Variants in ERBB4 observed in about 807,000 individuals in gnomAD.
The protein encoded by ERBB4 is erb-b2 receptor tyrosine kinase 4, also known as receptor tyrosine-protein kinase erbB-4.
A neutral mutation model predicts 158.0 loss-of-function variants in ERBB4; 42 were observed. That is an observed-to-expected ratio of 0.27 (90% confidence interval 0.21 to 0.34). The LOEUF (loss-of-function observed/expected upper bound fraction) is 0.34. Among genes scored for constraint, ERBB4 ranks in the 10% least tolerant of loss-of-function variants. The pLI, the probability that ERBB4 is intolerant of heterozygous loss-of-function variation, is 1.00. For synonymous variants in ERBB4, 583 were observed against 558.7 expected (o/e 1.04, Z -0.61); for missense variants, 1,333 against 1,624.1 (o/e 0.82, Z 3.08).
chr2:211,383,784 A>C lies in ERBB4; in HGVS notation c.3758T>G (p.Leu1253Arg). The C allele has an allele frequency of 6.2e-7, 1 of 1,614,118 alleles. No individual in the cohort carries two copies. The highest frequency in any genetic ancestry group is 2.2e-5 in the East Asian group (1 of 44,870). Residue 1253 changes from leucine to arginine, a missense_variant, in exon 28 of 28, where the codon CTT (leucine) becomes CGT (arginine). Coordinates refer to ENST00000342788, the MANE Select transcript of ERBB4 (RefSeq NM_005235.3). ...CTCCTGCAGGTAGTCTGGGTGCTGA[A>C]GGGTGCTCCGAGGTGGCAGGCTGTG... is the stretch of plus-strand genomic sequence containing the variant. ...WNHSLPPRSTLQHPDYLQEYS... is the reference protein window; with the variant it reads ...WNHSLPPRSTRQHPDYLQEYS...
intron 2 of ERBB4, among the ~76,000 whole-genome samples, chr2:211,986,196 C>T (rs2125242282): frequency 6.6e-6 from 1 of 152,234 alleles, no homozygotes; most frequent in Admixed American, 6.5e-5. Flanking sequence ...AGAGTATCAA[C>T]AAGGAACCAA....
rs139463435 is a variant in ERBB4, at chr2:211,895,929, A to G, written c.421+51501T>C. On this transcript the variant is annotated intron_variant, in intron 3 of 27. Coordinates refer to ENST00000342788, the MANE Select transcript of ERBB4 (RefSeq NM_005235.3). ...TGAACAGTTGTTCAGTCTTCACTGC[A>G]CTGGCTTCGTTCCAGTTTCTTGGTC... Among the ~76,000 whole-genome samples the G allele has an allele frequency of 1.8e-3, 268 of 152,208 alleles. 1 individual carries two copies. The highest frequency in any genetic ancestry group is 6.1e-3 in the African/African-American group (255 of 41,552).
chr2:211,390,769 A>G (rs2125328254), intron 25 of ERBB4, among the ~76,000 whole-genome samples: 1 of 152,304 alleles, frequency 6.6e-6, no homozygotes, highest in South Asian at 2.1e-4. Context: ...CTGTATCTGG[A>G]CAAACTGCCA....
chr2:212,497,399 T>C (rs1249940522), intron 1 of ERBB4, among the ~76,000 whole-genome samples: 1 of 152,144 alleles, frequency 6.6e-6, no homozygotes, highest in Non-Finnish European at 1.5e-5. Context: ...TCAATCTTAA[T>C]TGAGAATTCT....
chr2:211,964,307 A>G (rs940561520), intron 2 of ERBB4, among the ~76,000 whole-genome samples: 10 of 152,170 alleles, frequency 6.6e-5, no homozygotes, highest in Non-Finnish European at 1.2e-4. Context: ...CTGGTATTTT[A>G]TATGCATACT....
chr2:211,400,144 A>T (rs970238295), intron 25 of ERBB4, among the ~76,000 whole-genome samples: 4 of 152,138 alleles, frequency 2.6e-5, no homozygotes, highest in Non-Finnish European at 5.9e-5. Context: ...GTCATCCAAC[A>T]GCCCCGCTGC....
At chr2:211,939,469 T>C (rs1000437019) in intron 3 of ERBB4, among the ~76,000 whole-genome samples, 12 of 152,138 alleles carry the variant, frequency 7.9e-5, no homozygotes, top group African/African-American at 2.9e-4. Flanking sequence ...ACAATTATCA[T>C]GCCTTTGGTA....
chr2:211,463,759 G>A (rs889389165), intron 20 of ERBB4, among the ~76,000 whole-genome samples: 3 of 151,996 alleles, frequency 2.0e-5, no homozygotes, highest in African/African-American at 4.8e-5. Context: ...TTGGATGGTC[G>A]CTCTATCAAA....
At chr2:211,484,806 G>C (rs1213677785) in intron 20 of ERBB4, among the ~76,000 whole-genome samples, 1 of 152,140 alleles carries the variant, frequency 6.6e-6, no homozygotes, top group Non-Finnish European at 1.5e-5. Context: ...CAAGTAGAAA[G>C]AAAACCAGCA....
chr2:211,614,894 TAAA>T (rs1179483553), intron 19 of ERBB4, among the ~76,000 whole-genome samples: 1 of 152,014 alleles, frequency 6.6e-6, no homozygotes, highest in African/African-American at 2.4e-5. Flanking sequence ...GTAAGATAAA[TAAA>T]ATTTCCTATG....
intron 1 of ERBB4, among the ~76,000 whole-genome samples, chr2:212,160,137 G>C (rs2081160728): frequency 6.6e-6 from 1 of 151,910 alleles, no homozygotes; most frequent in African/African-American, 2.4e-5. Flanking sequence ...TTCCTCAGAA[G>C]GGTGAATATT....
intron 1 of ERBB4, among the ~76,000 whole-genome samples, chr2:212,399,976 G>A (rs951009689): frequency 1.3e-5 from 2 of 152,174 alleles, no homozygotes; most frequent in South Asian, 4.1e-4. Flanking sequence ...TATGGGGGCG[G>A]AGAAAAACTT....
intron 1 of ERBB4, among the ~76,000 whole-genome samples, chr2:212,204,004 T>G (rs187699951): frequency 1.2e-4 from 19 of 152,340 alleles, no homozygotes; most frequent in Admixed American, 1.0e-3. Flanking sequence ...CAAAAGTTAG[T>G]CAAACATGCA....
At chr2:211,707,305 G>A (rs1024284189) in intron 9 of ERBB4, among the ~76,000 whole-genome samples, 9 of 152,158 alleles carry the variant, frequency 5.9e-5, no homozygotes, top group African/African-American at 2.2e-4. Flanking sequence ...TGATTTCAAA[G>A]TATGTCTTGG....
chr2:211,640,610 A>T (rs2070543532), intron 16 of ERBB4, among the ~76,000 whole-genome samples: 1 of 152,214 alleles, frequency 6.6e-6, no homozygotes, highest in Non-Finnish European at 1.5e-5. Context: ...GACTCTTAGT[A>T]TATTTTTCTC....
At chr2:211,838,529 T>C (rs1169030185) in intron 3 of ERBB4, among the ~76,000 whole-genome samples, 3 of 152,152 alleles carry the variant, frequency 2.0e-5, no homozygotes, top group African/African-American at 7.2e-5. Flanking sequence ...AAGTGAAGTT[T>C]TTTAACCATT....
intron 3 of ERBB4, among the ~76,000 whole-genome samples, chr2:211,814,580 T>A (rs1387895020): frequency 6.6e-6 from 1 of 151,994 alleles, no homozygotes; most frequent in Non-Finnish European, 1.5e-5. Context: ...AAGGAACCTA[T>A]TTAAACCAAT....
intron 1 of ERBB4, among the ~76,000 whole-genome samples, chr2:212,395,243 T>C (rs1574840195): frequency 6.6e-6 from 1 of 152,118 alleles, no homozygotes; most frequent in South Asian, 2.1e-4. Context: ...CTTAATTTTT[T>C]ATCAGATTTT....
At chr2:212,305,772 T>A (rs1296432327) in intron 1 of ERBB4, among the ~76,000 whole-genome samples, 1 of 151,362 alleles carries the variant, frequency 6.6e-6, no homozygotes, top group Non-Finnish European at 1.5e-5. Flanking sequence ...ATTACAACAT[T>A]TACATAATTA....
Sources: gnomAD v4.1 joint callset for allele counts (sites outside exome capture counted in the v4.1 genomes callset) on GRCh38, gnomAD v4.1.1 for gene constraint, MANE v1.5 for transcripts, NCBI Gene and HGNC (gene_info 2026-07-23, HGNC 2026-07-21) for gene names.